The following UBE2U variants were observed in gnomAD, a reference collection of about 807,000 sequenced individuals.
The protein encoded by UBE2U is ubiquitin-conjugating enzyme E2 U.
A neutral mutation model predicts 41.2 loss-of-function variants in UBE2U; 39 were observed. The observed-to-expected ratio is 0.95, with a 90% CI of 0.73 to 1.24. UBE2U has a LOEUF of 1.24. Among genes scored for constraint, UBE2U ranks in the 50% most tolerant of loss-of-function variants. The pLI, the probability that UBE2U is intolerant of heterozygous loss-of-function variation, is 0.00. For missense variants in UBE2U, 336 were observed against 363.1 expected (o/e 0.93, Z 0.61); for synonymous variants, 107 against 117.8 (o/e 0.91, Z 0.60).
chr1:64,226,510 G>C (rs1002375213), intron 6 of UBE2U, among the ~76,000 whole-genome samples: 1 of 152,164 alleles, frequency 6.6e-6, no homozygotes, highest in Non-Finnish European at 1.5e-5. Context: ...ATTTTATTGA[G>C]TGTAAATTAT....
intron 5 of UBE2U, among the ~76,000 whole-genome samples, chr1:64,215,183 A>G (rs1055967698): frequency 6.6e-6 from 1 of 152,168 alleles, no homozygotes; most frequent in Non-Finnish European, 1.5e-5. Flanking sequence ...GTGAGCCGAG[A>G]TCATGCCATT....
chr1:64,248,216 C>T (rs1644952482), intron 8 of UBE2U, among the ~76,000 whole-genome samples: 1 of 152,038 alleles, frequency 6.6e-6, no homozygotes, highest in Non-Finnish European at 1.5e-5. Flanking sequence ...TCTCCTGTCC[C>T]TCTTTCTCTC....
intron 6 of UBE2U, among the ~76,000 whole-genome samples, chr1:64,231,563 TAAC>T (rs1319840969): frequency 1.3e-5 from 2 of 152,236 alleles, no homozygotes; most frequent in Non-Finnish European, 2.9e-5. Context: ...ATTGTAAAAG[TAAC>T]AACACTTTCG....
intron 8 of UBE2U, among the ~76,000 whole-genome samples, chr1:64,253,596 G>A (rs1335246841): frequency 6.6e-6 from 1 of 152,122 alleles, no homozygotes; most frequent in Non-Finnish European, 1.5e-5. Context: ...GGAAGAGATT[G>A]GGGACCAATA....
At chr1:64,249,270 C>G (rs1247081731) in intron 8 of UBE2U, among the ~76,000 whole-genome samples, 1 of 150,240 alleles carries the variant, frequency 6.7e-6, no homozygotes, top group African/African-American at 2.4e-5. Flanking sequence ...CCTAGCTACT[C>G]AGGAGGCTGA....
intron 6 of UBE2U, among the ~76,000 whole-genome samples, chr1:64,228,691 T>C (rs1402244811): frequency 1.1e-4 from 16 of 144,038 alleles, no homozygotes; most frequent in Admixed American, 7.6e-4. Context: ...TCTCTCTTTT[T>C]TTTTTTTTTT....
At chr1:64,223,754 A>G (rs557579840) in intron 6 of UBE2U, among the ~76,000 whole-genome samples, 2 of 152,280 alleles carry the variant, frequency 1.3e-5, no homozygotes, top group East Asian at 1.9e-4. Context: ...ACGAACATAT[A>G]AAGACAAGTT....
chr1:64,224,098 C>T (rs1652686162), intron 6 of UBE2U, among the ~76,000 whole-genome samples: 1 of 151,990 alleles, frequency 6.6e-6, no homozygotes, highest in Admixed American at 6.6e-5. Flanking sequence ...TAAATATACA[C>T]CTGTATGCGA....
chr1:64,258,677 T>TTATAGTA (rs1306907794), intron 8 of UBE2U, among the ~76,000 whole-genome samples: 4 of 152,208 alleles, frequency 2.6e-5, no homozygotes, highest in Non-Finnish European at 4.4e-5. Context: ...TTGCATAGTA[T>TTATAGTA]TCCATGGTAT....
At chr1:64,222,657 T>TGG (rs1389347921) in intron 6 of UBE2U, among the ~76,000 whole-genome samples, 3 of 152,232 alleles carry the variant, frequency 2.0e-5, no homozygotes, top group African/African-American at 7.2e-5. Flanking sequence ...TGTTAGCCCC[T>TGG]GGTACAGTTG....
intron 8 of UBE2U, 56 bp downstream of exon 8, chr1:64,241,789 C>T: frequency 7.5e-7 from 1 of 1,325,710 alleles, no homozygotes; most frequent in Non-Finnish European, 1.1e-6. Flanking sequence ...TCTATTATTC[C>T]ACTTTCTACT....
chr1:64,243,035 T>C (rs1403469837), intron 8 of UBE2U, among the ~76,000 whole-genome samples: 1 of 152,164 alleles, frequency 6.6e-6, no homozygotes, highest in African/African-American at 2.4e-5. Flanking sequence ...AATTTATCCA[T>C]CCACTTCTAC....
At chr1:64,239,157 A>AAGAGAAGAAG in intron 7 of UBE2U, among the ~76,000 whole-genome samples, 1 of 37,064 alleles carries the variant, frequency 2.7e-5, no homozygotes, top group East Asian at 1.0e-3. Context: ...GAAGAAGAAG[A>AAGAGAAGAAG]AAGAAGAAGA....
intron 7 of UBE2U, among the ~76,000 whole-genome samples, chr1:64,239,083 AGAGGAAGAG>A (rs1438829132): frequency 0.039 from 2,621 of 68,000 alleles, 65 homozygotes; most frequent in Non-Finnish European, 0.055. Flanking sequence ...AGGAAGAGGA[AGAGGAAGAG>A]GAAGAAGAAG....
intron 5 of UBE2U, 89 bp from the exon 6 acceptor site, chr1:64,220,770 A>G (rs1481056051): frequency 5.5e-5 from 54 of 984,348 alleles, no homozygotes; most frequent in South Asian, 3.4e-4. Context: ...CTTTATTACC[A>G]TTTTATTGAG....
chr1:64,215,126 G>T (rs987549936), intron 5 of UBE2U, among the ~76,000 whole-genome samples, 194 bp downstream of exon 5: 2 of 152,114 alleles, frequency 1.3e-5, no homozygotes, highest in Admixed American at 6.5e-5. Context: ...ACCTACTCGG[G>T]AGCCTGAGGC....
rs1557731495 is a variant in UBE2U, at chr1:64,239,181, G to GAAGAAGAAGAAGAAGAAGAAGAAGA, written c.596-2460_596-2459insGAAGAAGAAGAAGAAAGAAGAAGAA. Among the ~76,000 whole-genome samples the GAAGAAGAAGAAGAAGAAGAAGAAGA allele has an allele frequency of 1.2e-4, 16 of 134,724 alleles. No homozygotes were observed. The Admixed American group carries it at 1.2e-3, about 10-fold the overall frequency. The allele number at this position is 134,724 out of a possible 152,430, so 88.4% of individuals were successfully genotyped here. A position where few individuals can be genotyped will look rare whatever the true frequency, so the allele number is the denominator to read the frequency against. On this transcript the variant is annotated intron_variant, in intron 7 of 9. Transcript: ENST00000371077. ...GAAAGAAGAAGAAGAAGAAGAAGAA[G>GAAGAAGAAGAAGAAGAAGAAGAAGA]AAGAAGAAGAAAGCCCCAGACAAGG...
chr1:64,213,267 A>G (rs1651770285), intron 4 of UBE2U, among the ~76,000 whole-genome samples: 1 of 152,148 alleles, frequency 6.6e-6, no homozygotes, highest in Non-Finnish European at 1.5e-5. Context: ...AAAAACATTC[A>G]TAGAGTTCTA....
At chr1:64,264,906 C>G (rs925003800) in intron 9 of UBE2U, among the ~76,000 whole-genome samples, 2 of 151,902 alleles carry the variant, frequency 1.3e-5, no homozygotes, top group African/African-American at 4.8e-5. Flanking sequence ...GCTGAAAGCA[C>G]GCCACCGCAC....
Sources: gnomAD v4.1 joint callset for allele counts (sites outside exome capture counted in the v4.1 genomes callset) on GRCh38, gnomAD v4.1.1 for gene constraint, MANE v1.5 for transcripts, NCBI Gene and HGNC (gene_info 2026-07-23, HGNC 2026-07-21) for gene names.